Variants in PVT1 observed in about 807,000 individuals in gnomAD.
The protein encoded by PVT1 is Pvt1 oncogene.
intron 3 of PVT1, among the ~76,000 whole-genome samples, chr8:127,894,222 T>TC: frequency 6.6e-6 from 1 of 152,134 alleles, no homozygotes; most frequent in East Asian, 1.9e-4. Flanking sequence ...TTGGACCTGT[T>TC]CCCCACGGGG....
At chr8:127,892,241 T>G (rs1328201725) in intron 3 of PVT1, among the ~76,000 whole-genome samples, 2 of 152,234 alleles carry the variant, frequency 1.3e-5, no homozygotes, top group Non-Finnish European at 2.9e-5. Context: ...AGCTCTTAGA[T>G]GTGTTCTAAT....
intron 2 of PVT1, among the ~76,000 whole-genome samples, chr8:127,877,607 C>T (rs186959527): frequency 5.9e-5 from 9 of 152,278 alleles, no homozygotes; most frequent in Admixed American, 3.3e-4. Flanking sequence ...AACATTTTGA[C>T]TTAGTCCTTA....
intron 2 of PVT1, among the ~76,000 whole-genome samples, chr8:127,850,696 T>A (rs1461978840): frequency 6.6e-6 from 1 of 152,246 alleles, no homozygotes; most frequent in African/African-American, 2.4e-5. Context: ...ACTGTGGAAA[T>A]AATGTCACAG....
chr8:127,853,795 C>CAAAAA (rs535690247), intron 2 of PVT1, among the ~76,000 whole-genome samples: 1 of 148,150 alleles, frequency 6.7e-6, no homozygotes, highest in African/African-American at 2.5e-5. Context: ...CAAAACAAAA[C>CAAAAA]AAAAAAACAC....
intron 2 of PVT1, among the ~76,000 whole-genome samples, chr8:127,827,529 G>A (rs1814804272): frequency 6.6e-6 from 1 of 152,070 alleles, no homozygotes; most frequent in African/African-American, 2.4e-5. Flanking sequence ...CCCCTTCACG[G>A]TCCAGGAGCC....
intron 2 of PVT1, among the ~76,000 whole-genome samples, chr8:127,812,345 G>A (rs1279574538): frequency 6.6e-6 from 1 of 151,698 alleles, no homozygotes; most frequent in Non-Finnish European, 1.5e-5. Context: ...GGCACTTTGG[G>A]AGGCTGAGAT....
At chr8:127,822,876 G>A (rs904068640) in intron 2 of PVT1, among the ~76,000 whole-genome samples, 1 of 152,202 alleles carries the variant, frequency 6.6e-6, no homozygotes, top group South Asian at 2.1e-4. Flanking sequence ...GAGGACAGCA[G>A]CTGGGTGTAA....
At chr8:128,085,060 C>T (rs1814239377) in intron 5 of PVT1, among the ~76,000 whole-genome samples, 1 of 152,170 alleles carries the variant, frequency 6.6e-6, no homozygotes, top group African/African-American at 2.4e-5. Flanking sequence ...TATGACTTTT[C>T]CTTGAGTCTG....
chr8:128,091,135 C>A (rs1044221653), intron 5 of PVT1, among the ~76,000 whole-genome samples: 34 of 152,112 alleles, frequency 2.2e-4, no homozygotes, highest in African/African-American at 7.7e-4. Context: ...TTATTTTTAG[C>A]CCAGCAGGAC....
chr8:127,921,029 A>G (rs1196232137), intron 3 of PVT1, among the ~76,000 whole-genome samples: 1 of 152,250 alleles, frequency 6.6e-6, no homozygotes, highest in Non-Finnish European at 1.5e-5. Flanking sequence ...GTCCTTAATG[A>G]TTGCCTACAT....
chr8:127,981,406 A>T (rs1318848950), intron 3 of PVT1, among the ~76,000 whole-genome samples: 1 of 152,192 alleles, frequency 6.6e-6, no homozygotes. Flanking sequence ...GGGCACCAGG[A>T]AGGTGCTGCA....
At chr8:127,840,782 C>G (rs1160124352) in intron 2 of PVT1, among the ~76,000 whole-genome samples, 1 of 152,250 alleles carries the variant, frequency 6.6e-6, no homozygotes, top group Non-Finnish European at 1.5e-5. Context: ...CTGGTCCTGT[C>G]CAACCAGGGA....
At chr8:128,038,198 C>T (rs552744539) in intron 4 of PVT1, among the ~76,000 whole-genome samples, 44 of 152,254 alleles carry the variant, frequency 2.9e-4, no homozygotes, top group East Asian at 5.8e-4. Context: ...AGATTGGAAT[C>T]GCTGGTATAA....
In PVT1 at chr8:128,045,699, C is replaced by T. The variant is rs550749424; in HGVS notation, n.913-24461C>T. Reference sequence around the variant, plus strand: ...AAGTCTGTTAGCTCCTTGTGACAACCGAGCTGCCCTGTAAGGCGTAATGAG... The same window carrying T: ...AAGTCTGTTAGCTCCTTGTGACAACTGAGCTGCCCTGTAAGGCGTAATGAG... On this transcript the variant is annotated intron_variant and non_coding_transcript_variant, in intron 4 of 10. Coordinates refer to ENST00000651587, the Ensembl canonical transcript of PVT1. Among the ~76,000 whole-genome samples the T allele has an allele frequency of 6.2e-4, 94 of 152,282 alleles. 1 individual carries two copies. The highest frequency in any genetic ancestry group is 5.4e-3 in the South Asian group (26 of 4,828).
chr8:127,858,407 AAAATAAATAAATAAATAAATAAAT>A (rs374974740), intron 2 of PVT1, among the ~76,000 whole-genome samples: 1 of 141,794 alleles, frequency 7.1e-6, no homozygotes, highest in Non-Finnish European at 1.5e-5. Flanking sequence ...ACTCTGTCTC[AAAATAAATAAATAAATAAATAAAT>A]AAATAAATAA....
At chr8:128,002,582 A>T (rs1325385739) in intron 4 of PVT1, among the ~76,000 whole-genome samples, 1 of 152,100 alleles carries the variant, frequency 6.6e-6, no homozygotes, top group East Asian at 1.9e-4. Flanking sequence ...CCTCTGCTGG[A>T]GGCTGGCCAT....
At chr8:127,971,121 C>T (rs1816760334) in intron 3 of PVT1, among the ~76,000 whole-genome samples, 1 of 152,210 alleles carries the variant, frequency 6.6e-6, no homozygotes, top group African/African-American at 2.4e-5. Flanking sequence ...GATTGCCAGC[C>T]CCGGTTCTAA....
intron 4 of PVT1, among the ~76,000 whole-genome samples, chr8:128,023,580 C>T (rs570577082): frequency 6.6e-6 from 1 of 152,294 alleles, no homozygotes; most frequent in East Asian, 1.9e-4. Context: ...CCTGATACAT[C>T]AACTACTTTT....
chr8:127,937,223 G>A (rs1816286845), intron 3 of PVT1, among the ~76,000 whole-genome samples: 1 of 152,032 alleles, frequency 6.6e-6, no homozygotes, highest in Non-Finnish European at 1.5e-5. Context: ...ATCTTGAGAT[G>A]CTTTGGCACA....
Sources: allele counts gnomAD v4.1 joint callset (sites outside exome capture counted in the v4.1 genomes callset), GRCh38; gene constraint gnomAD v4.1.1; transcripts MANE v1.5; gene names NCBI Gene and HGNC (gene_info 2026-07-23, HGNC 2026-07-21).